The following ZNF525 variants were observed in gnomAD, a reference collection of about 807,000 sequenced individuals.
The protein encoded by ZNF525 is zinc finger protein 525.
Under a neutral mutation model 37.6 loss-of-function variants are expected in ZNF525, and 33 were observed. That is an observed-to-expected ratio of 0.88 (90% CI 0.67 to 1.17). The LOEUF is 1.17. Ranked by LOEUF, ZNF525 falls within the 50% of genes most tolerant of loss-of-function variation. The pLI is 0.00. For synonymous variants in ZNF525, 170 were observed against 182.3 expected (o/e 0.93, Z 0.54); for missense variants, 449 against 543.1 (o/e 0.83, Z 1.72).
intron 1 of ZNF525, among the ~76,000 whole-genome samples, chr19:53,366,799 G>A (rs1478145050): frequency 4.8e-5 from 3 of 62,472 alleles, no homozygotes; most frequent in African/African-American, 1.5e-4. Flanking sequence ...AGTGGGGACA[G>A]GGGGTATAAC....
intron 2 of ZNF525, among the ~76,000 whole-genome samples, chr19:53,372,897 C>G (rs926737796): frequency 1.3e-5 from 2 of 152,006 alleles, no homozygotes; most frequent in African/African-American, 4.8e-5. Flanking sequence ...GCAGGAGATT[C>G]ATTAATCCAT....
chr19:53,376,906 G>C (rs1488224616), intron 3 of ZNF525, among the ~76,000 whole-genome samples: 1 of 152,192 alleles, frequency 6.6e-6, no homozygotes, highest in Non-Finnish European at 1.5e-5. Flanking sequence ...GGAGGTGGAG[G>C]TTGTGGTGAC....
intron 1 of ZNF525, among the ~76,000 whole-genome samples, chr19:53,370,897 G>A (rs1346643877): frequency 6.6e-6 from 1 of 152,200 alleles, no homozygotes; most frequent in Non-Finnish European, 1.5e-5. Flanking sequence ...CCTGTGTCCA[G>A]GGCCCCTGCC....
In ZNF525 at chr19:53,372,304, G is replaced by A; in HGVS notation, c.15+8G>A. The A allele has an allele frequency of 1.3e-6, 1 of 787,228 alleles. No individual in the cohort carries two copies. Among genetic ancestry groups the A allele is most frequent in the Non-Finnish European group, 2.3e-6 (1 of 434,902 alleles). The allele number at this position is 787,228 out of a possible 1,614,324, so 48.8% of individuals were successfully genotyped here. A position where few individuals can be genotyped will look rare whatever the true frequency, so the allele number is the denominator to read the frequency against. On this transcript the variant is annotated splice_region_variant and intron_variant, in intron 2 of 3. Coordinates refer to ENST00000474037, the MANE Select transcript of ZNF525 (RefSeq NM_001348156.2). ...GGGATGGCTCTTCCTCAGGTGAGAC[G>A]ATATTCTCAGTGGATTGTTCTGTCT...
chr19:53,370,824 C>T (rs1336035849), intron 1 of ZNF525, among the ~76,000 whole-genome samples: 1 of 152,196 alleles, frequency 6.6e-6, no homozygotes, highest in African/African-American at 2.4e-5. Flanking sequence ...TGGCAGGGAA[C>T]CCTCCACCGG....
rs2085593959 is a variant in ZNF525, at chr19:53,384,862, A to T, written c.*2843A>T. 1 of 674,764 alleles carries T rather than the reference A, an allele frequency of 1.5e-6. No individual in the cohort carries two copies. The highest frequency in any genetic ancestry group is 1.8e-5 in the African/African-American group (1 of 56,218). 41.8% of individuals were successfully genotyped at this position (674,764 alleles called of 1,614,324 possible). ...TGAGAGCATTCTTGCATCATGTGAG[A>T]TCGTACAGGAAAGCATTCCATTTTC... On this transcript the variant is annotated 3_prime_UTR_variant, in exon 4 of 4. Transcript: ENST00000474037.
chr19:53,382,626 T>C lies in ZNF525; in HGVS notation c.*607T>C. 2.9e-6 allele frequency: 2 copies of C among 695,680 alleles called. No individual in the cohort carries two copies. Among genetic ancestry groups the C allele is most frequent in the Non-Finnish European group, 5.3e-6 (2 of 374,210 alleles). 43.1% of individuals were successfully genotyped at this position (695,680 alleles called of 1,614,324 possible). ...TCAGCGCTTATTTACCATCAAGCAA[T>C]CCATGGCAGAGGGAAACTTTACAAA... On this transcript the variant is annotated 3_prime_UTR_variant, in exon 4 of 4. Coordinates refer to ENST00000474037, the MANE Select transcript of ZNF525 (RefSeq NM_001348156.2).
At chr19:53,372,721 C>T (rs1051538731) in intron 2 of ZNF525, among the ~76,000 whole-genome samples, 2 of 152,164 alleles carry the variant, frequency 1.3e-5, no homozygotes, top group Non-Finnish European at 2.9e-5. Context: ...TTGGGAAATC[C>T]TTTCTGCCTG....
At chr19:53,372,067 A>AG (rs1187663001) in intron 1 of ZNF525, 148 bp from the exon 2 acceptor site, 10 of 419,874 alleles carry the variant, frequency 2.4e-5, no homozygotes, top group Admixed American at 1.5e-4. Flanking sequence ...GTTTTCCTGT[A>AG]GGAGTTTATT....
chr19:53,381,351 C>G lies in ZNF525; in HGVS notation c.772C>G (p.Leu258Val). 1 of 1,592,434 alleles carries G rather than the reference C, an allele frequency of 6.3e-7. No homozygotes were observed. The highest frequency in any genetic ancestry group is 8.6e-7 in the Non-Finnish European group (1 of 1,160,244). Reference sequence around the variant, plus strand: ...CAAGGTCTTTATTCGGAAGCGATACCTTGCACGCCATCGTAGATGTCACAC... The same window carrying G: ...CAAGGTCTTTATTCGGAAGCGATACGTTGCACGCCATCGTAGATGTCACAC... The part of the protein sequence containing the change: ...CDKVFIRKRY[L>V]ARHRRCHTGE... The change falls in exon 4 of 4, where the codon CTT becomes GTT. Residue 258 changes from leucine (L) to valine (V), a missense_variant. Leu to Val is a conservative substitution (Grantham distance 32). Coordinates refer to ENST00000474037, the MANE Select transcript of ZNF525 (RefSeq NM_001348156.2).
chr19:53,376,372 T>A, intron 3 of ZNF525: 1 of 695,176 alleles, frequency 1.4e-6, no homozygotes, highest in South Asian at 1.5e-5. Flanking sequence ...GAGTTAAATA[T>A]TTGCATTTGA....
Position 53,384,231 on chromosome 19 carries a change from C to A in ZNF525, c.*2212C>A. 1 of 257,366 alleles carries A rather than the reference C, an allele frequency of 3.9e-6. No homozygotes were observed. The highest frequency in any genetic ancestry group is 7.8e-6 in the Non-Finnish European group (1 of 127,524). 15.9% of individuals were successfully genotyped at this position (257,366 alleles called of 1,614,324 possible). On this transcript the variant is annotated 3_prime_UTR_variant, in exon 4 of 4. Coordinates refer to ENST00000474037, the MANE Select transcript of ZNF525 (RefSeq NM_001348156.2). Reference sequence around the variant, plus strand: ...GTGTGGCATGGCTCACGCCTGTAATCCCAGCACTTTGGTAGGCCAAGGTGG... The same window carrying A: ...GTGTGGCATGGCTCACGCCTGTAATACCAGCACTTTGGTAGGCCAAGGTGG...
chr19:53,379,773 G>A (rs958257162), intron 3 of ZNF525, among the ~76,000 whole-genome samples: 2 of 152,264 alleles, frequency 1.3e-5, no homozygotes, highest in East Asian at 3.9e-4. Context: ...AGGCTGAGGC[G>A]GGTGGATCAC....
chr19:53,380,016 TA>T (rs199759507), intron 3 of ZNF525, among the ~76,000 whole-genome samples: 3 of 149,196 alleles, frequency 2.0e-5, no homozygotes, highest in Non-Finnish European at 3.0e-5. Context: ...AATACAAAAA[TA>T]AAAAAAAAAT....
Position 53,370,696 on chromosome 19 carries a change from A to G in ZNF525, c.-67-1519A>G, listed in dbSNP as rs1429589298. Among the ~76,000 whole-genome samples, 5 of 152,220 alleles carry G rather than the reference A, an allele frequency of 3.3e-5. No individual in the cohort carries two copies. In the South Asian group the frequency reaches 8.3e-4, roughly 25 times the overall value. Reference sequence around the variant, plus strand: ...GTACCCCAAAAATGAAAAAAAAATAATAAAATGCAGAAGAATGGAAGAAAC... The same window carrying G: ...GTACCCCAAAAATGAAAAAAAAATAGTAAAATGCAGAAGAATGGAAGAAAC... On this transcript the variant is annotated intron_variant, in intron 1 of 3. Transcript: ENST00000474037.
In ZNF525 at chr19:53,381,481, G is replaced by A. The variant is rs1568762408; in HGVS notation, c.902G>A (p.Cys301Tyr). 7.2e-7 allele frequency: 1 copy of A among 1,393,940 alleles called. No homozygotes were observed. The highest frequency in any genetic ancestry group is 1.0e-6 in the Non-Finnish European group (1 of 979,424). The allele number at this position is 1,393,940 out of a possible 1,614,324, so 86.3% of individuals were successfully genotyped here. The change falls in exon 4 of 4, where the codon TGT becomes TAT. Residue 301 changes from cysteine to tyrosine, a missense_variant. This residue lies in a region of ZNF525 where 271 missense variants were observed against 381.6 expected (regional missense o/e 0.71). Coordinates refer to ENST00000474037, the MANE Select transcript of ZNF525 (RefSeq NM_001348156.2). ...RLHTGEKPYK[C>Y]EECDKAFRHN... Reference sequence around the variant, plus strand: ...CATACTGGAGAGAAACCTTACAAATGTGAAGAATGTGACAAAGCTTTCAGA... The same window carrying A: ...CATACTGGAGAGAAACCTTACAAATATGAAGAATGTGACAAAGCTTTCAGA...
At chr19:53,372,767 G>T (rs2085496441) in intron 2 of ZNF525, among the ~76,000 whole-genome samples, 1 of 152,198 alleles carries the variant, frequency 6.6e-6, no homozygotes, top group Non-Finnish European at 1.5e-5. Context: ...TGAATGGGTT[G>T]CTGTGTTTCT....
At chr19:53,372,997 C>G (rs1215534713) in intron 2 of ZNF525, among the ~76,000 whole-genome samples, 1 of 152,148 alleles carries the variant, frequency 6.6e-6, no homozygotes, top group African/African-American at 2.4e-5. Context: ...TATAACTTTT[C>G]TCACATATGA....
In ZNF525 at chr19:53,385,221, TTG is replaced by T; in HGVS notation, c.*3205_*3206del. 1 of 474,332 alleles carries T rather than the reference TTG, an allele frequency of 2.1e-6. No individual in the cohort carries two copies. Among genetic ancestry groups the T allele is most frequent in the Non-Finnish European group, 3.7e-6 (1 of 268,904 alleles). 29.4% of individuals were successfully genotyped at this position (474,332 alleles called of 1,614,324 possible). ...TGGAAAAATACATATTATGAGAAAA[TTG>T]TGCATGAATTTCACAATTTTTGCAC... On this transcript the variant is annotated 3_prime_UTR_variant, in exon 4 of 4. Transcript: ENST00000474037.
Sources: allele counts gnomAD v4.1 joint callset (sites outside exome capture counted in the v4.1 genomes callset), GRCh38; gene constraint gnomAD v4.1.1; regional missense constraint gnomAD v4.1.1; transcripts MANE v1.5; gene names NCBI Gene and HGNC (gene_info 2026-07-23, HGNC 2026-07-21).